The following PEX14 variants were observed in gnomAD, a reference collection of about 807,000 sequenced individuals.
PEX14 encodes the protein peroxisomal biogenesis factor 14, also known as peroxisomal membrane protein PEX14.
PEX14 carries 15 observed loss-of-function variants against 49.5 expected under a neutral mutation model. The observed-to-expected ratio is 0.30, with a 90% CI of 0.20 to 0.47. The LOEUF (loss-of-function observed/expected upper bound fraction) is 0.47, where lower values mean the gene tolerates loss of function less well. Among genes scored for constraint, PEX14 ranks in the 20% least tolerant of loss-of-function variants. The probability of loss-of-function intolerance (pLI) is 1.00; values close to 1 mark genes in which losing one functional copy is unlikely to be tolerated. For synonymous variants in PEX14, 210 were observed against 212.7 expected (o/e 0.99, Z 0.11); for missense variants, 398 against 494.8 (o/e 0.80, Z 1.86).
intron 2 of PEX14, among the ~76,000 whole-genome samples, chr1:10,500,620 G>A (rs1471753540): frequency 1.3e-5 from 2 of 151,974 alleles, no homozygotes; most frequent in Non-Finnish European, 2.9e-5. Flanking sequence ...TGTCACCCAG[G>A]CTGGAGTGCA....
intron 1 of PEX14, among the ~76,000 whole-genome samples, chr1:10,482,541 C>G (rs1442709444): frequency 6.6e-6 from 1 of 151,424 alleles, no homozygotes; most frequent in Non-Finnish European, 1.5e-5. Context: ...TCAGGTGATT[C>G]TTCTGCCTCA....
intron 3 of PEX14, among the ~76,000 whole-genome samples, chr1:10,556,227 C>G (rs1308270447): frequency 2.0e-5 from 3 of 152,132 alleles, no homozygotes; most frequent in African/African-American, 7.2e-5. Flanking sequence ...TTCTGGACTC[C>G]TGGCTGGAGC....
chr1:10,494,624 G>A lies in PEX14; in HGVS notation c.37-650G>A, dbSNP rs546957168. Among the ~76,000 whole-genome samples, 1 of 152,338 alleles carries A rather than the reference G, an allele frequency of 6.6e-6. No homozygotes were observed. The highest frequency in any genetic ancestry group is 2.4e-5 in the African/African-American group (1 of 41,580). On this transcript the variant is annotated intron_variant, in intron 1 of 8. Transcript: ENST00000356607. The surrounding 1 kb of genome is among the most constrained non-coding windows in gnomAD (Gnocchi z 4.3). ...CAGGGCCTCGGCCACAGTGCTGCCT[G>A]CTCGCCTGGAGGTTGGTCTGCTTAT...
chr1:10,506,494 C>A (rs1641785823), intron 2 of PEX14, among the ~76,000 whole-genome samples: 1 of 152,170 alleles, frequency 6.6e-6, no homozygotes, highest in South Asian at 2.1e-4. Flanking sequence ...TCAGGCTGGT[C>A]TTGAACTTGC....
intron 2 of PEX14, among the ~76,000 whole-genome samples, chr1:10,519,820 C>G (rs1638222368): frequency 6.6e-6 from 1 of 152,206 alleles, no homozygotes; most frequent in Non-Finnish European, 1.5e-5. Flanking sequence ...CTGTGCTGCT[C>G]AGGCTGGAGT....
At chr1:10,578,570 G>A (rs1172122373) in intron 3 of PEX14, among the ~76,000 whole-genome samples, 4 of 152,040 alleles carry the variant, frequency 2.6e-5, no homozygotes, top group African/African-American at 4.8e-5. Flanking sequence ...GAAGAAACAG[G>A]ACCCTGTGAC....
At chr1:10,504,901 CTCCTCCTCAG>C (rs1398253917) in intron 2 of PEX14, among the ~76,000 whole-genome samples, 1 of 151,912 alleles carries the variant, frequency 6.6e-6, no homozygotes, top group Non-Finnish European at 1.5e-5. Flanking sequence ...GTTCTCCTGC[CTCCTCCTCAG>C]TAGCTGAGAT....
At chr1:10,478,200 A>C (rs1244157592) in intron 1 of PEX14, among the ~76,000 whole-genome samples, 1 of 152,122 alleles carries the variant, frequency 6.6e-6, no homozygotes, top group Non-Finnish European at 1.5e-5. Flanking sequence ...TAAATGAGTT[A>C]TTTATGTAAA....
rs1369025584 is a variant in PEX14, at chr1:10,628,323, C to G, written c.677+960C>G. On this transcript the variant is annotated intron_variant, in intron 8 of 8. Transcript: ENST00000356607. The surrounding 1 kb of genome is among the most constrained non-coding windows in gnomAD (Gnocchi z 4.5). ...GTGGGCCATCCTCCTGGGCTGATGC[C>G]CTAGTGGGCCTTGCATGGGGTGTCC... Among the ~76,000 whole-genome samples, 1 of 152,338 alleles carries G rather than the reference C, an allele frequency of 6.6e-6. No homozygotes were observed. The highest frequency in any genetic ancestry group is 2.4e-5 in the African/African-American group (1 of 41,576).
chr1:10,560,057 C>CT (rs1164773562), intron 3 of PEX14, among the ~76,000 whole-genome samples: 4 of 151,418 alleles, frequency 2.6e-5, no homozygotes, highest in Non-Finnish European at 5.9e-5. Flanking sequence ...TTTCTTCCAT[C>CT]TATTTTTTTT....
chr1:10,520,148 C>CTTCTT (rs1553185419), intron 2 of PEX14, among the ~76,000 whole-genome samples: 1 of 69,162 alleles, frequency 1.4e-5, no homozygotes, highest in African/African-American at 4.2e-5. Flanking sequence ...CCTTCTTCTT[C>CTTCTT]TTTTTTTTTT....
chr1:10,622,703 C>G (rs760777205), intron 5 of PEX14, among the ~76,000 whole-genome samples: 2 of 152,116 alleles, frequency 1.3e-5, no homozygotes, highest in Non-Finnish European at 2.9e-5. Flanking sequence ...GAGTTTATAA[C>G]TTTGTGTTAC....
chr1:10,480,387 CTTTT>C (rs34544712), intron 1 of PEX14, among the ~76,000 whole-genome samples: 1 of 87,290 alleles, frequency 1.1e-5, no homozygotes. Flanking sequence ...GCCTGGCTAA[CTTTT>C]TTTTTTTTTT....
At chr1:10,593,089 T>C (rs961635107) in intron 3 of PEX14, among the ~76,000 whole-genome samples, 1 of 152,244 alleles carries the variant, frequency 6.6e-6, no homozygotes, top group African/African-American at 2.4e-5. Flanking sequence ...TACTCAGTGA[T>C]TTACACTGGG....
rs186670612 is a variant in PEX14, at chr1:10,486,178, T to C, written c.37-9096T>C. On this transcript the variant is annotated intron_variant, in intron 1 of 8. Transcript: ENST00000356607. The stretch of plus-strand genomic sequence containing the variant: ...ATGCTTTTAATTTTTCTTGCTTTAT[T>C]GCACTGTCTAGGACTTTGAGTGCAA... Among the ~76,000 whole-genome samples, 42 of 152,324 alleles carry C rather than the reference T, an allele frequency of 2.8e-4. 1 individual carries two copies. The highest frequency in any genetic ancestry group is 5.0e-4 in the Non-Finnish European group (34 of 68,030).
At chr1:10,488,012 C>T (rs533031046) in intron 1 of PEX14, among the ~76,000 whole-genome samples, 2 of 151,598 alleles carry the variant, frequency 1.3e-5, no homozygotes, top group East Asian at 3.9e-4. Context: ...AACTCCTGAC[C>T]TCAAGTTATC....
rs1638449561 is a variant in PEX14 at position 10,525,629 on chromosome 1, G to T, written c.85-10584G>T. Among the ~76,000 whole-genome samples the T allele has an allele frequency of 2.0e-5, 3 of 152,212 alleles. No homozygotes were observed. The South Asian group carries it at 6.2e-4, about 32-fold the overall frequency. ...CTTGTCATTCTACTGTCAATTTGAA[G>T]ATTTTTTTTTCTTCAAAATGGAGTG... On this transcript the variant is annotated intron_variant, in intron 2 of 8. Transcript: ENST00000356607.
At chr1:10,507,517 A>G (rs949874290) in intron 2 of PEX14, among the ~76,000 whole-genome samples, 6 of 152,242 alleles carry the variant, frequency 3.9e-5, no homozygotes, top group Non-Finnish European at 5.9e-5. Context: ...GTCTGCACCC[A>G]TGTACCTCAC....
intron 1 of PEX14, among the ~76,000 whole-genome samples, chr1:10,479,156 C>T (rs1280235039): frequency 6.6e-6 from 1 of 151,896 alleles, no homozygotes; most frequent in Non-Finnish European, 1.5e-5. Context: ...TTGGGAGGAT[C>T]GCTTGAGGCC....
Sources: allele counts gnomAD v4.1 joint callset (sites outside exome capture counted in the v4.1 genomes callset), GRCh38; gene constraint gnomAD v4.1.1; non-coding constraint Gnocchi (gnomAD v3.1); transcripts MANE v1.5; gene names NCBI Gene and HGNC (gene_info 2026-07-23, HGNC 2026-07-21).